The following PFKP variants were observed in gnomAD, a reference collection of about 807,000 sequenced individuals.
PFKP encodes the protein ATP-dependent 6-phosphofructokinase, platelet type.
A neutral mutation model predicts 94.3 loss-of-function variants in PFKP; 101 were observed. That is an observed-to-expected ratio of 1.07 (90% CI 0.91 to 1.26). The LOEUF is 1.26. Among genes scored for constraint, PFKP ranks in the 50% most tolerant of loss-of-function variants. The probability of loss-of-function intolerance (pLI) is 0.00; values close to 1 mark genes in which losing one functional copy is unlikely to be tolerated. For missense variants in PFKP, 1,145 were observed against 1,103.3 expected, an observed-to-expected ratio of 1.04 and a Z score of -0.53; for synonymous variants, 573 against 432.6, an observed-to-expected ratio of 1.32 and a Z score of -4.03.
In PFKP at chr10:3,116,809, T is replaced by C; in HGVS notation, c.1405T>C (p.Trp469Arg). The C allele has an allele frequency of 6.2e-7, 1 of 1,613,886 alleles. No homozygotes were observed. Among genetic ancestry groups the C allele is most frequent in the Non-Finnish European group, 8.5e-7 (1 of 1,179,714 alleles). ...KEIGWTDVGG[W>R]TGQGGSILGT... The stretch of plus-strand genomic sequence containing the variant: ...AATCGGCTGGACAGATGTCGGGGGC[T>C]GGACCGGCCAAGGAGGCTCCATTCT... The change falls in exon 14 of 22, where the codon TGG (tryptophan) becomes CGG (arginine). Residue 469 changes from tryptophan to arginine, a missense_variant. By Grantham distance (101) the Trp-to-Arg change is moderately radical. This residue lies in a region of PFKP where 1,119 missense variants were observed against 1,062.8 expected (regional missense o/e 1.05). Transcript: ENST00000381125.
At chr10:3,082,350 G>A (rs144015599) in intron 1 of PFKP, 38 bp from the exon 2 acceptor site, 28 of 1,524,770 alleles carry the variant, frequency 1.8e-5, no homozygotes, top group East Asian at 4.6e-5. Context: ...GAATTACCCC[G>A]GGCTCTTCAG....
At chr10:3,102,244 C>G (rs1336017189) in intron 4 of PFKP, among the ~76,000 whole-genome samples, 11 of 38,154 alleles carry the variant, frequency 2.9e-4, no homozygotes, top group African/African-American at 4.0e-4. Context: ...GAGCGAGACT[C>G]TGTCTCAAAA....
intron 16 of PFKP, among the ~76,000 whole-genome samples, chr10:3,126,381 A>C (rs1378209461): frequency 2.0e-5 from 3 of 152,236 alleles, no homozygotes; most frequent in East Asian, 1.9e-4. Flanking sequence ...TGGGCCCCGC[A>C]CTTGACCCCT....
chr10:3,115,414 G>GTCCTGCAGC (rs1588512726), intron 13 of PFKP, among the ~76,000 whole-genome samples: 3 of 77,634 alleles, frequency 3.9e-5, no homozygotes, highest in Admixed American at 1.3e-4. Flanking sequence ...GTGAAGGTGT[G>GTCCTGCAGC]TGTCCCGCCA....
Position 3,113,152 on chromosome 10 carries a change from A to G in PFKP, c.1188A>G (p.Arg396=). The change falls in exon 12 of 22, where the codon CGA becomes CGG. Residue 396 remains arginine (R), a synonymous_variant. Coordinates refer to ENST00000381125, the MANE Select transcript of PFKP (RefSeq NM_002627.5). Reference sequence around the variant, plus strand: ...CGGGCAACCTGAACACCTACAAGCGACTTGCCATCAAGCTGCCGGATGATC... The same window carrying G: ...CGGGCAACCTGAACACCTACAAGCGGCTTGCCATCAAGCTGCCGGATGATC... ...SFAGNLNTYK[R]LAIKLPDDQI... 6.2e-7 allele frequency: 1 copy of G among 1,613,302 alleles called. No individual in the cohort carries two copies. The highest frequency in any genetic ancestry group is 8.5e-7 in the Non-Finnish European group (1 of 1,179,720).
In PFKP at chr10:3,119,333, C is replaced by T. The variant is rs1049356780; in HGVS notation, c.1530+464C>T. Among the ~76,000 whole-genome samples, 7 of 152,194 alleles carry T rather than the reference C, an allele frequency of 4.6e-5. 1 individual carries two copies. The highest frequency in any genetic ancestry group is 7.2e-5 in the African/African-American group (3 of 41,442). On this transcript the variant is annotated intron_variant, in intron 15 of 21. Coordinates refer to ENST00000381125, the MANE Select transcript of PFKP (RefSeq NM_002627.5). ...AGAAAAAGTAAAAACTGGCCGGGCG[C>T]GGTGGCTCACGCCTGTAATCTCAGC...
intron 10 of PFKP, among the ~76,000 whole-genome samples, chr10:3,110,943 A>AGT (rs999788991): frequency 6.8e-6 from 1 of 147,098 alleles, no homozygotes; most frequent in African/African-American, 2.6e-5. Flanking sequence ...TTTGTGAGGT[A>AGT]GTGTGTGTGC....
intron 2 of PFKP, among the ~76,000 whole-genome samples, chr10:3,089,958 T>G (rs1833919232): frequency 6.6e-6 from 1 of 152,106 alleles, no homozygotes; most frequent in Non-Finnish European, 1.5e-5. Context: ...TGAGATCAAT[T>G]TTTTATTTAA....
chr10:3,119,467 T>C (rs1837167435), intron 15 of PFKP, among the ~76,000 whole-genome samples: 1 of 152,006 alleles, frequency 6.6e-6, no homozygotes, highest in Admixed American at 6.6e-5. Context: ...TAGCCGGGTG[T>C]GGTGGCAGGT....
At chr10:3,093,399 T>C (rs975360019) in intron 2 of PFKP, among the ~76,000 whole-genome samples, 1 of 152,192 alleles carries the variant, frequency 6.6e-6, no homozygotes, top group Non-Finnish European at 1.5e-5. Flanking sequence ...AAATAAGTGA[T>C]GCTTGAGCAC....
chr10:3,079,670 G>A (rs969293797), intron 1 of PFKP, among the ~76,000 whole-genome samples: 2 of 121,664 alleles, frequency 1.6e-5, no homozygotes, highest in Non-Finnish European at 3.7e-5. Flanking sequence ...GGTGGGGGGG[G>A]GGGGAAGAGG....
chr10:3,101,634 C>A, intron 4 of PFKP, 80 bp downstream of exon 4: 1 of 1,039,302 alleles, frequency 9.6e-7, no homozygotes, highest in Non-Finnish European at 1.4e-6. Context: ...TCCCTCTTCA[C>A]TGTGGCAGAA....
At chr10:3,107,813 C>T (rs958886568) in intron 8 of PFKP, 89 of 1,222,000 alleles carry the variant, frequency 7.3e-5, no homozygotes, top group Non-Finnish European at 8.9e-5. Flanking sequence ...TGGCAGGCTT[C>T]GTGCCCTGGG....
chr10:3,074,212 A>G (rs1188701119), intron 1 of PFKP, among the ~76,000 whole-genome samples: 16 of 152,174 alleles, frequency 1.1e-4, no homozygotes, highest in Non-Finnish European at 2.4e-4. Flanking sequence ...GGATTTTGGC[A>G]AAAGAACCAG....
intron 17 of PFKP, among the ~76,000 whole-genome samples, chr10:3,130,557 AC>A (rs1838459591): frequency 6.6e-6 from 1 of 152,164 alleles, no homozygotes; most frequent in African/African-American, 2.4e-5. Context: ...ATAAAATGCA[AC>A]TTGAACAATT....
intron 1 of PFKP, among the ~76,000 whole-genome samples, chr10:3,073,244 A>G (rs982643941): frequency 1.3e-5 from 2 of 151,918 alleles, no homozygotes; most frequent in African/African-American, 4.8e-5. Flanking sequence ...TTTCCTCTGC[A>G]GAATGGAGGC....
At chr10:3,135,349 G>A (rs903871296) in intron 20 of PFKP, among the ~76,000 whole-genome samples, 4 of 152,240 alleles carry the variant, frequency 2.6e-5, no homozygotes, top group African/African-American at 9.6e-5. Context: ...AACTGACTTT[G>A]GCTTTGATTC....
At chr10:3,091,391 C>T (rs752231498) in intron 2 of PFKP, among the ~76,000 whole-genome samples, 1 of 152,126 alleles carries the variant, frequency 6.6e-6, no homozygotes, top group Non-Finnish European at 1.5e-5. Flanking sequence ...CCAGGGCTGC[C>T]ACTGTGTCTG....
intron 1 of PFKP, among the ~76,000 whole-genome samples, chr10:3,071,442 T>G (rs1033923798): frequency 1.3e-4 from 14 of 110,902 alleles, no homozygotes; most frequent in Admixed American, 4.7e-4. Context: ...TTTTTTTTTT[T>G]TTTTTTTCTT....
Sources: allele counts gnomAD v4.1 joint callset (sites outside exome capture counted in the v4.1 genomes callset), GRCh38; gene constraint gnomAD v4.1.1; regional missense constraint gnomAD v4.1.1; transcripts MANE v1.5; gene names NCBI Gene and HGNC (gene_info 2026-07-23, HGNC 2026-07-21).